Variants in ACYP2 observed in about 807,000 individuals in gnomAD.
ACYP2 encodes acylphosphatase 2.
ACYP2 carries 12 observed loss-of-function variants against 11.2 expected under a neutral mutation model. That is an observed-to-expected ratio of 1.08 (90% CI 0.69 to 1.74). The LOEUF (loss-of-function observed/expected upper bound fraction) is 1.74, where lower values mean the gene tolerates loss of function less well. Among genes scored for constraint, ACYP2 ranks in the 40% most tolerant of loss-of-function variants. The pLI is 0.00. For synonymous variants in ACYP2, 43 were observed against 32.2 expected (o/e 1.33, Z -1.13); for missense variants, 134 against 101.9 (o/e 1.31, Z -1.35).
chr2:54,059,927 A>G (rs1676376058), intron 4 of ACYP2, among the ~76,000 whole-genome samples: 1 of 152,220 alleles, frequency 6.6e-6, no homozygotes, highest in South Asian at 2.1e-4. Flanking sequence ...TTTGATGCCC[A>G]TTCTGATTCC....
chr2:54,277,784 CTA>C (rs1157773090), intron 6 of ACYP2, among the ~76,000 whole-genome samples: 1 of 152,092 alleles, frequency 6.6e-6, no homozygotes, highest in African/African-American at 2.4e-5. Context: ...TATTTCAGTT[CTA>C]TATTATTTCT....
At chr2:54,269,142 C>T (rs1228470776) in intron 6 of ACYP2, among the ~76,000 whole-genome samples, 1 of 152,140 alleles carries the variant, frequency 6.6e-6, no homozygotes, top group Non-Finnish European at 1.5e-5. Context: ...GAGACAGGGG[C>T]TCACTATGTT....
intron 6 of ACYP2, among the ~76,000 whole-genome samples, chr2:54,200,714 C>T (rs1684718055): frequency 6.6e-6 from 1 of 152,140 alleles, no homozygotes; most frequent in Admixed American, 6.5e-5. Flanking sequence ...CTGCTATGAA[C>T]ATTCATGAAC....
intron 6 of ACYP2, among the ~76,000 whole-genome samples, chr2:54,152,696 G>T (rs182763204): frequency 3.9e-4 from 59 of 152,148 alleles, no homozygotes; most frequent in African/African-American, 1.3e-3. Flanking sequence ...TGTCTTTAAG[G>T]TTCCTTCATG....
At chr2:54,096,235 G>T (rs1678566145) in intron 4 of ACYP2, among the ~76,000 whole-genome samples, 1 of 149,286 alleles carries the variant, frequency 6.7e-6, no homozygotes, top group African/African-American at 2.5e-5. Context: ...CTCCCAGACG[G>T]GGCGGCGGAG....
intron 6 of ACYP2, among the ~76,000 whole-genome samples, chr2:54,285,982 A>G (rs1340153116): frequency 6.6e-6 from 1 of 152,174 alleles, no homozygotes; most frequent in African/African-American, 2.4e-5. Context: ...TTTATATGAT[A>G]AAGGAATACA....
intron 4 of ACYP2, among the ~76,000 whole-genome samples, chr2:54,122,626 A>G (rs1472099923): frequency 6.6e-6 from 1 of 152,158 alleles, no homozygotes; most frequent in East Asian, 1.9e-4. Flanking sequence ...CTCCACATCT[A>G]CCTTTTCTTT....
chr2:54,130,886 A>T (rs1396396413), intron 4 of ACYP2, among the ~76,000 whole-genome samples: 1 of 152,074 alleles, frequency 6.6e-6, no homozygotes, highest in Non-Finnish European at 1.5e-5. Flanking sequence ...CAGCTCTAAG[A>T]CCTGTTTTTC....
At chr2:54,008,633 T>C (rs1224092759) in intron 2 of ACYP2, among the ~76,000 whole-genome samples, 1 of 152,200 alleles carries the variant, frequency 6.6e-6, no homozygotes, top group Non-Finnish European at 1.5e-5. Flanking sequence ...TAGCTGGGAC[T>C]ATAGGGCACA....
chr2:54,176,587 A>G (rs529513756), intron 6 of ACYP2, among the ~76,000 whole-genome samples: 2 of 152,318 alleles, frequency 1.3e-5, no homozygotes, highest in Non-Finnish European at 2.9e-5. Context: ...TAAGGCAGGA[A>G]AAATCTTATG....
At chr2:54,032,134 G>C (rs1477056807) in intron 2 of ACYP2, among the ~76,000 whole-genome samples, 2 of 152,186 alleles carry the variant, frequency 1.3e-5, no homozygotes, top group African/African-American at 2.4e-5. Context: ...AGTTTAATTA[G>C]ATCCCATTTG....
chr2:54,252,905 A>G (rs1687294458), intron 6 of ACYP2, among the ~76,000 whole-genome samples: 1 of 148,818 alleles, frequency 6.7e-6, no homozygotes, highest in African/African-American at 2.4e-5. Context: ...CTCCGTCTCA[A>G]AAAAAAAAAA....
At chr2:54,192,785 C>A (rs1684290109) in intron 6 of ACYP2, among the ~76,000 whole-genome samples, 3 of 152,138 alleles carry the variant, frequency 2.0e-5, no homozygotes, top group South Asian at 2.1e-4. Context: ...AGGAAACTTA[C>A]AATCATGGTG....
intron 2 of ACYP2, among the ~76,000 whole-genome samples, chr2:54,009,814 A>G (rs1056967183): frequency 1.3e-5 from 2 of 152,206 alleles, no homozygotes; most frequent in African/African-American, 2.4e-5. Flanking sequence ...AACACTTATC[A>G]TGTACTTAAT....
chr2:54,256,218 A>C (rs1050825934), intron 6 of ACYP2: 5 of 1,522,620 alleles, frequency 3.3e-6, no homozygotes, highest in Non-Finnish European at 4.4e-6. Context: ...AACGTTCCTC[A>C]CACAAAATGG....
At chr2:54,123,862 C>T (rs1175968447) in intron 4 of ACYP2, among the ~76,000 whole-genome samples, 2 of 152,090 alleles carry the variant, frequency 1.3e-5, no homozygotes, top group East Asian at 1.9e-4. Context: ...AAGTCCCAAC[C>T]AGTGATACGG....
chr2:53,979,872 A>G (rs368475066), intron 2 of ACYP2, among the ~76,000 whole-genome samples: 1 of 151,638 alleles, frequency 6.6e-6, no homozygotes, highest in East Asian at 2.0e-4. Flanking sequence ...TTGTATTTTT[A>G]GTAGAGACAA....
At chr2:54,184,187 T>C (rs184272407) in intron 6 of ACYP2, among the ~76,000 whole-genome samples, 1 of 152,188 alleles carries the variant, frequency 6.6e-6, no homozygotes, top group African/African-American at 2.4e-5. Flanking sequence ...TAATACAACA[T>C]TTAGAAACAG....
At chr2:54,063,506 C>T (rs1676576561) in intron 4 of ACYP2, among the ~76,000 whole-genome samples, 1 of 152,160 alleles carries the variant, frequency 6.6e-6, no homozygotes, top group Non-Finnish European at 1.5e-5. Flanking sequence ...GGGTTTGACC[C>T]AGGAGAGGCA....
Sources: gnomAD v4.1 joint callset for allele counts (sites outside exome capture counted in the v4.1 genomes callset) on GRCh38, gnomAD v4.1.1 for gene constraint, MANE v1.5 for transcripts, NCBI Gene and HGNC (gene_info 2026-07-23, HGNC 2026-07-21) for gene names.